The following GRM1 variants were observed in gnomAD, a reference collection of about 807,000 sequenced individuals.
GRM1 encodes the protein metabotropic glutamate receptor 1.
Under a neutral mutation model 90.9 loss-of-function variants are expected in GRM1, and 33 were observed. That is an observed-to-expected ratio of 0.36 (90% CI 0.28 to 0.49). The LOEUF (loss-of-function observed/expected upper bound fraction) is 0.49. Ranked by LOEUF, GRM1 falls within the 20% of genes least tolerant of loss-of-function variation. The pLI, the probability that GRM1 is intolerant of heterozygous loss-of-function variation, is 0.99. For synonymous variants in GRM1, 700 were observed against 613.2 expected (o/e 1.14, Z -2.09); for missense variants, 1,190 against 1,534.3 (o/e 0.78, Z 3.75).
At chr6:146,349,402 T>C (rs1482122876) in intron 3 of GRM1, among the ~76,000 whole-genome samples, 1 of 152,058 alleles carries the variant, frequency 6.6e-6, no homozygotes, top group Non-Finnish European at 1.5e-5. Context: ...ATTGTAGATA[T>C]GAAGCTATTG....
chr6:146,363,079 T>C (rs1775551910), intron 5 of GRM1, among the ~76,000 whole-genome samples: 1 of 152,212 alleles, frequency 6.6e-6, no homozygotes, highest in African/African-American at 2.4e-5. Context: ...TGTTAGTAGA[T>C]ATAGCTACTT....
intron 5 of GRM1, among the ~76,000 whole-genome samples, chr6:146,358,047 T>A (rs893508034): frequency 2.6e-5 from 4 of 152,200 alleles, no homozygotes; most frequent in Non-Finnish European, 5.9e-5. Flanking sequence ...TAGCTATTGT[T>A]AAAGAAAGCA....
At chr6:146,138,493 A>G (rs377740845) in intron 1 of GRM1, among the ~76,000 whole-genome samples, 2 of 152,156 alleles carry the variant, frequency 1.3e-5, no homozygotes, top group Admixed American at 6.5e-5. Flanking sequence ...TCAGCAGCAA[A>G]GCCATCAGCT....
intron 1 of GRM1, among the ~76,000 whole-genome samples, chr6:146,069,875 A>G (rs1775969256): frequency 6.6e-6 from 1 of 152,188 alleles, no homozygotes; most frequent in Admixed American, 6.5e-5. Context: ...TTTTATCTTC[A>G]TAACGACTCC....
In GRM1 at chr6:146,275,355, G is replaced by T. The variant is rs112212877; in HGVS notation, c.951-29256G>T. On this transcript the variant is annotated intron_variant, in intron 2 of 7. Transcript: ENST00000282753. ...CTAAGTGAGTGAATGATAGCTGGGG[G>T]TTGCTAGGCGTGTACATGGGACAGT... Among the ~76,000 whole-genome samples the T allele has an allele frequency of 6.3e-3, 963 of 152,270 alleles. 4 individuals are homozygous for T. The highest frequency in any genetic ancestry group is 9.8e-3 in the Non-Finnish European group (666 of 68,022).
chr6:146,240,969 A>G (rs1780836219), intron 2 of GRM1, among the ~76,000 whole-genome samples: 2 of 152,084 alleles, frequency 1.3e-5, no homozygotes, highest in African/African-American at 2.4e-5. Flanking sequence ...ACTGAACACA[A>G]GGCCCCTTTG....
chr6:146,348,742 G>A (rs1325977883), intron 3 of GRM1, among the ~76,000 whole-genome samples: 2 of 152,214 alleles, frequency 1.3e-5, no homozygotes, highest in African/African-American at 4.8e-5. Context: ...AGACAGCTGT[G>A]CACATCTGGA....
chr6:146,419,158 G>GATCC (rs1777898350), intron 7 of GRM1, among the ~76,000 whole-genome samples: 1 of 152,166 alleles, frequency 6.6e-6, no homozygotes, highest in Admixed American at 6.5e-5. Flanking sequence ...TTCCACGAAG[G>GATCC]CTAAGGATCC....
intron 1 of GRM1, among the ~76,000 whole-genome samples, chr6:146,044,462 T>C (rs768549756): frequency 6.6e-6 from 1 of 151,966 alleles, no homozygotes; most frequent in Non-Finnish European, 1.5e-5. Context: ...TGTCTTCTAC[T>C]TCATTCTTGT....
At chr6:146,119,834 G>A (rs1583029042) in intron 1 of GRM1, among the ~76,000 whole-genome samples, 1 of 152,096 alleles carries the variant, frequency 6.6e-6, no homozygotes, top group African/African-American at 2.4e-5. Context: ...TGCTGTTTTG[G>A]CTACTGTAGC....
chr6:146,341,410 T>C (rs1261681388), intron 3 of GRM1, among the ~76,000 whole-genome samples: 1 of 152,226 alleles, frequency 6.6e-6, no homozygotes, highest in Non-Finnish European at 1.5e-5. Flanking sequence ...GATGTTTTTC[T>C]TGTAATATTA....
At chr6:146,404,017 A>T (rs1777245913) in intron 7 of GRM1, among the ~76,000 whole-genome samples, 1 of 152,074 alleles carries the variant, frequency 6.6e-6, no homozygotes, top group Non-Finnish European at 1.5e-5. Flanking sequence ...TATAGTCACT[A>T]TACCCTAGTA....
intron 2 of GRM1, among the ~76,000 whole-genome samples, chr6:146,263,637 ATGTC>A (rs994122407): frequency 1.3e-5 from 2 of 152,060 alleles, no homozygotes; most frequent in African/African-American, 2.4e-5. Context: ...AATATTTTCT[ATGTC>A]TGTCTGAATG....
At chr6:146,300,832 T>G (rs1783351838) in intron 2 of GRM1, among the ~76,000 whole-genome samples, 1 of 152,320 alleles carries the variant, frequency 6.6e-6, no homozygotes, top group South Asian at 2.1e-4. Context: ...CACCACCATC[T>G]AAGAAAGATC....
chr6:146,040,032 T>C (rs1012931638), intron 1 of GRM1, among the ~76,000 whole-genome samples: 1 of 151,892 alleles, frequency 6.6e-6, no homozygotes, highest in African/African-American at 2.4e-5. Flanking sequence ...CCATGAAAAT[T>C]GATGGGATTG....
Position 146,436,935 on chromosome 6 carries a change from T to C in GRM1, c.*2139T>C, listed in dbSNP as rs896245884. The C allele has an allele frequency of 5.9e-5, 9 of 152,638 alleles. No individual in the cohort carries two copies. Among genetic ancestry groups the C allele is most frequent in the African/African-American group, 2.2e-4 (9 of 41,462 alleles). The allele number at this position is 152,638 out of a possible 1,614,324, so 9.5% of individuals were successfully genotyped here. A position where few individuals can be genotyped will look rare whatever the true frequency, so the allele number is the denominator to read the frequency against. The stretch of plus-strand genomic sequence containing the variant: ...GTATTACTTATATTTCATCATATTC[T>C]ATTGCCAAGTTTAGTCAGTTCCACA... On this transcript the variant is annotated 3_prime_UTR_variant, in exon 8 of 8. Transcript: ENST00000282753.
At chr6:146,410,419 A>G (rs1777518404) in intron 7 of GRM1, among the ~76,000 whole-genome samples, 1 of 152,240 alleles carries the variant, frequency 6.6e-6, no homozygotes. Context: ...GTTACAGGAC[A>G]ACAATAAAAT....
At chr6:146,180,432 G>A (rs1211040849) in intron 2 of GRM1, among the ~76,000 whole-genome samples, 6 of 152,100 alleles carry the variant, frequency 3.9e-5, no homozygotes, top group Non-Finnish European at 8.8e-5. Flanking sequence ...TTTACATAAT[G>A]AGGTTATACT....
At chr6:146,191,849 A>G (rs1462806757) in intron 2 of GRM1, among the ~76,000 whole-genome samples, 1 of 152,142 alleles carries the variant, frequency 6.6e-6, no homozygotes, top group African/African-American at 2.4e-5. Flanking sequence ...CTGGTCCGTG[A>G]CAGATTAACT....
Sources: gnomAD v4.1 joint callset for allele counts (sites outside exome capture counted in the v4.1 genomes callset) on GRCh38, gnomAD v4.1.1 for gene constraint, MANE v1.5 for transcripts, NCBI Gene and HGNC (gene_info 2026-07-23, HGNC 2026-07-21) for gene names.